The following PLD1 variants were observed in gnomAD, a reference collection of about 807,000 sequenced individuals.
PLD1 encodes the protein choline phosphatase 1.
In PLD1, 112 loss-of-function variants were observed where a neutral mutation model predicts 137.1. The ratio of observed to expected loss-of-function variants is 0.82; its 90% confidence interval spans 0.70 to 0.96. The LOEUF is 0.96. Ranked by LOEUF, PLD1 falls within the 40% of genes least tolerant of loss-of-function variation. PLD1 has a pLI of 0.00. For synonymous variants in PLD1, 431 were observed against 454.7 expected, an observed-to-expected ratio of 0.95 and a Z score of 0.66; for missense variants, 1,321 against 1,342.0, an observed-to-expected ratio of 0.98 and a Z score of 0.24.
chr3:171,742,081 T>C (rs191573886), intron 1 of PLD1, among the ~76,000 whole-genome samples: 1 of 152,312 alleles, frequency 6.6e-6, no homozygotes, highest in East Asian at 1.9e-4. Context: ...GGTAGAAACT[T>C]GGCAGGGCCA....
At position 171,686,756 on chromosome 3, in the gene PLD1, C is replaced by T; in HGVS notation, c.1796G>A (p.Gly599Asp). The T allele has an allele frequency of 6.2e-7, 1 of 1,607,334 alleles. No individual in the cohort carries two copies. Among genetic ancestry groups the T allele is most frequent in the Non-Finnish European group, 8.5e-7 (1 of 1,173,984 alleles). Residue 599 changes from glycine (G) to aspartate (D), a missense_variant, in exon 16 of 27, where the codon GGT (glycine) becomes GAT (aspartate). By Grantham distance (94) the Gly-to-Asp change is moderately conservative (BLOSUM62 -1). Coordinates refer to ENST00000351298, the MANE Select transcript of PLD1 (RefSeq NM_002662.5). ...HYRSHHNLIH[G>D]LKPHFKLFHP... ...AAAGAGTTTGAAGTGGGGTTTTAAA[C>T]CATGGATTAAATTGTGATGACTTCT...
intron 23 of PLD1, among the ~76,000 whole-genome samples, 198 bp from the exon 24 acceptor site, chr3:171,620,718 TTCTCTCTCTC>T (rs369273677): frequency 9.6e-6 from 1 of 104,156 alleles, no homozygotes. Flanking sequence ...CTGAATGGCT[TTCTCTCTCTC>T]TCTCTCTCTC....
chr3:171,663,964 C>T (rs139980556), intron 19 of PLD1, among the ~76,000 whole-genome samples: 91 of 152,224 alleles, frequency 6.0e-4, no homozygotes, highest in African/African-American at 2.1e-3. Context: ...TGCAACTATA[C>T]GGCCATTAAA....
At chr3:171,800,215 A>G (rs1723589554) in intron 1 of PLD1, among the ~76,000 whole-genome samples, 1 of 151,920 alleles carries the variant, frequency 6.6e-6, no homozygotes, top group Non-Finnish European at 1.5e-5. Flanking sequence ...TTTATTTTTT[A>G]TTTTTATTTT....
intron 16 of PLD1, among the ~76,000 whole-genome samples, chr3:171,682,109 AAAG>A (rs1444234028): frequency 1.5e-4 from 2 of 13,782 alleles, no homozygotes; most frequent in Non-Finnish European, 3.0e-4. Flanking sequence ...ACAGAAAGAA[AAAG>A]AAAGAAAGAA....
At position 171,645,164 on chromosome 3, in the gene PLD1, G is replaced by A. The variant is rs1736101026; in HGVS notation, c.2430-141C>T. 5 of 649,724 alleles carry A rather than the reference G, an allele frequency of 7.7e-6. No homozygotes were observed. The South Asian group carries it at 8.6e-5, about 11-fold the overall frequency. 40.2% of individuals were successfully genotyped at this position (649,724 alleles called of 1,614,324 possible). On this transcript the variant is annotated intron_variant, in intron 21 of 26. Coordinates refer to ENST00000351298, the MANE Select transcript of PLD1 (RefSeq NM_002662.5). The stretch of plus-strand genomic sequence containing the variant: ...ACGTTCTGTCACATTTCAGGACTTG[G>A]GAGGGTGTGCTGTTGGACTGGAAGA...
chr3:171,623,191 G>C (rs894625710), intron 23 of PLD1, among the ~76,000 whole-genome samples: 3 of 151,972 alleles, frequency 2.0e-5, no homozygotes. Context: ...TAATGTAATG[G>C]TAAAAATGCC....
intron 23 of PLD1, among the ~76,000 whole-genome samples, chr3:171,629,910 C>G (rs994734402): frequency 2.8e-4 from 42 of 151,678 alleles, no homozygotes; most frequent in Non-Finnish European, 3.7e-4. Flanking sequence ...CATAAAAACC[C>G]TAGAAGAAAA....
At chr3:171,642,941 C>A (rs1354964172) in intron 22 of PLD1, 52 bp from the exon 23 acceptor site, 3 of 976,552 alleles carry the variant, frequency 3.1e-6, no homozygotes, top group Non-Finnish European at 4.9e-6. Flanking sequence ...AACAACCAAT[C>A]CCATGCAGTA....
intron 1 of PLD1, among the ~76,000 whole-genome samples, chr3:171,791,377 A>G (rs1420696515): frequency 6.6e-6 from 1 of 152,212 alleles, no homozygotes; most frequent in East Asian, 1.9e-4. Flanking sequence ...TTCAAAGCCT[A>G]TAATTCAGTT....
At chr3:171,798,088 G>A (rs1052966106) in intron 1 of PLD1, among the ~76,000 whole-genome samples, 5 of 152,208 alleles carry the variant, frequency 3.3e-5, no homozygotes, top group Non-Finnish European at 5.9e-5. Flanking sequence ...AGGTAACACC[G>A]CTACTTAAGT....
intron 1 of PLD1, among the ~76,000 whole-genome samples, chr3:171,769,232 T>C (rs1200803386): frequency 2.6e-5 from 4 of 152,198 alleles, no homozygotes; most frequent in African/African-American, 4.8e-5. Flanking sequence ...CATCTCTAGA[T>C]GAAAAGCTAT....
chr3:171,732,088 G>T (rs1228922001), intron 6 of PLD1, among the ~76,000 whole-genome samples: 1 of 152,032 alleles, frequency 6.6e-6, no homozygotes, highest in Admixed American at 6.6e-5. Flanking sequence ...TAAAAGAAAT[G>T]GAAAATTATT....
intron 23 of PLD1, among the ~76,000 whole-genome samples, 198 bp from the exon 24 acceptor site, chr3:171,620,718 TTCTC>T (rs369273677): frequency 0.023 from 2,389 of 104,056 alleles, 51 homozygotes; most frequent in African/African-American, 0.048. Context: ...CTGAATGGCT[TTCTC>T]TCTCTCTCTC....
chr3:171,626,022 GAGA>G (rs1341034758), intron 23 of PLD1, among the ~76,000 whole-genome samples: 1 of 152,230 alleles, frequency 6.6e-6, no homozygotes, highest in African/African-American at 2.4e-5. Context: ...GACGAGTTGA[GAGA>G]AGAAGACTTC....
At chr3:171,720,354 G>C (rs1718016208) in intron 8 of PLD1, among the ~76,000 whole-genome samples, 1 of 148,986 alleles carries the variant, frequency 6.7e-6, no homozygotes, top group Non-Finnish European at 1.5e-5. Flanking sequence ...CCAACACTTT[G>C]GGAGCCGAGG....
At chr3:171,756,001 T>C (rs781517645) in intron 1 of PLD1, among the ~76,000 whole-genome samples, 32 of 152,348 alleles carry the variant, frequency 2.1e-4, no homozygotes, top group Admixed American at 1.6e-3. Flanking sequence ...GAACTCATCC[T>C]TAGCAATTCT....
intron 1 of PLD1, among the ~76,000 whole-genome samples, chr3:171,803,231 C>G (rs774133875): frequency 7.9e-5 from 12 of 152,196 alleles, no homozygotes; most frequent in Non-Finnish European, 2.9e-5. Flanking sequence ...ATCATAGGCA[C>G]AGAGAGATAA....
chr3:171,785,897 G>A (rs567330253), intron 1 of PLD1, among the ~76,000 whole-genome samples: 1 of 152,316 alleles, frequency 6.6e-6, no homozygotes, highest in Admixed American at 6.5e-5. Context: ...ACTCTCTACA[G>A]TGATTTACCC....
Sources: allele counts gnomAD v4.1 joint callset (sites outside exome capture counted in the v4.1 genomes callset), GRCh38; gene constraint gnomAD v4.1.1; transcripts MANE v1.5; gene names NCBI Gene and HGNC (gene_info 2026-07-23, HGNC 2026-07-21).